The following SNX7 variants were observed in gnomAD, a reference collection of about 807,000 sequenced individuals.
SNX7 encodes the protein sorting nexin 7, also known as sorting nexin-7.
SNX7 carries 35 observed loss-of-function variants against 48.4 expected under a neutral mutation model. The observed-to-expected ratio is 0.72, with a 90% CI of 0.55 to 0.96. The LOEUF (loss-of-function observed/expected upper bound fraction) is 0.96. Among genes scored for constraint, SNX7 ranks in the 40% least tolerant of loss-of-function variants. The pLI, the probability that SNX7 is intolerant of heterozygous loss-of-function variation, is 0.00. For missense variants in SNX7, 553 were observed against 548.9 expected (o/e 1.01, Z -0.07); for synonymous variants, 190 against 190.2 (o/e 1.00, Z 0.01).
At chr1:98,695,126 C>T (rs571558702) in intron 4 of SNX7, among the ~76,000 whole-genome samples, 1 of 152,222 alleles carries the variant, frequency 6.6e-6, no homozygotes, top group South Asian at 2.1e-4. Flanking sequence ...TGGAGTATAA[C>T]TTAGGCCCTG....
intron 7 of SNX7, among the ~76,000 whole-genome samples, chr1:98,730,497 A>G (rs757598689): frequency 1.1e-4 from 17 of 152,124 alleles, no homozygotes; most frequent in Non-Finnish European, 2.2e-4. Context: ...GCCTATATCT[A>G]GAAAACCTCA....
At chr1:98,694,369 CAAAAA>C (rs775800995) in intron 4 of SNX7, among the ~76,000 whole-genome samples, 1 of 54,032 alleles carries the variant, frequency 1.9e-5, no homozygotes, top group Non-Finnish European at 4.0e-5. Context: ...GACTCCGTCT[CAAAAA>C]AAAAAAAAAA....
chr1:98,705,231 A>G (rs1021080640), intron 7 of SNX7, among the ~76,000 whole-genome samples: 16 of 152,182 alleles, frequency 1.1e-4, no homozygotes, highest in African/African-American at 3.4e-4. Context: ...AATGGTTTCA[A>G]AATTACCTAA....
Position 98,691,716 on chromosome 1 carries a change from T to TA in SNX7, c.639+18dup. 6.4e-7 allele frequency: 1 copy of TA among 1,571,946 alleles called. No individual in the cohort carries two copies. Among genetic ancestry groups the TA allele is most frequent in the East Asian group, 2.3e-5 (1 of 44,084 alleles). ...CAAGCTTGGGTAAATGATTTTTATT[T>TA]ATACTCATATAATCTTTGGGTGTCT... On this transcript the variant is annotated intron_variant, in intron 4 of 8. Transcript: ENST00000306121.
chr1:98,685,382 G>A (rs966681787), intron 2 of SNX7, among the ~76,000 whole-genome samples: 4 of 152,026 alleles, frequency 2.6e-5, no homozygotes, highest in African/African-American at 9.7e-5. Flanking sequence ...GCCTCAAGTT[G>A]TTAATAAAAA....
chr1:98,759,061 G>C (rs907033062), intron 8 of SNX7, among the ~76,000 whole-genome samples: 2 of 152,072 alleles, frequency 1.3e-5, no homozygotes, highest in East Asian at 3.9e-4. Context: ...TATTAGTGCT[G>C]GTTGTCCGAT....
intron 8 of SNX7, among the ~76,000 whole-genome samples, chr1:98,751,480 T>C (rs1274230483): frequency 6.6e-6 from 1 of 152,110 alleles, no homozygotes; most frequent in Non-Finnish European, 1.5e-5. Flanking sequence ...TCCCCACCTC[T>C]GGCTCACCTT....
rs764449372 is a variant in SNX7, at chr1:98,698,883, T to C, written c.1016T>C (p.Val339Ala). Residue 339 changes from valine (V) to alanine (A), a missense_variant, in exon 6 of 9, where the codon GTG becomes GCG. Physicochemically the swap from Val to Ala is moderately conservative, Grantham distance 64. Transcript: ENST00000306121. ...CTGCTTCCTGTTGTACATGAGTACG[T>C]GCTTTATAGTGAAATGTTAATGGTA... The part of the protein sequence containing the change: ...EALLPVVHEY[V>A]LYSEMLMGVM... The C allele has an allele frequency of 1.9e-6, 3 of 1,613,610 alleles. No homozygotes were observed. Among genetic ancestry groups the C allele is most frequent in the East Asian group, 4.5e-5 (2 of 44,860 alleles).
intron 1 of SNX7, among the ~76,000 whole-genome samples, chr1:98,668,308 T>C (rs1244241497): frequency 2.0e-5 from 3 of 152,210 alleles, no homozygotes; most frequent in Middle Eastern, 3.2e-3. Context: ...TCATATAGGG[T>C]ATTAATTTTA....
At chr1:98,674,304 C>G (rs1650036943) in intron 1 of SNX7, among the ~76,000 whole-genome samples, 1 of 152,148 alleles carries the variant, frequency 6.6e-6, no homozygotes, top group African/African-American at 2.4e-5. Context: ...AATGTATTGA[C>G]TCACGGTTCT....
chr1:98,757,679 T>C (rs896532255), intron 8 of SNX7, among the ~76,000 whole-genome samples: 2 of 152,064 alleles, frequency 1.3e-5, no homozygotes, highest in Non-Finnish European at 2.9e-5. Context: ...CTTTGTTGCC[T>C]GATTTCCAGG....
chr1:98,739,875 G>A (rs1324304045), intron 8 of SNX7, among the ~76,000 whole-genome samples: 1 of 152,168 alleles, frequency 6.6e-6, no homozygotes, highest in Non-Finnish European at 1.5e-5. Flanking sequence ...AGGGAAATGG[G>A]AGCCATTGAG....
chr1:98,724,238 T>C (rs1653049356), intron 7 of SNX7, among the ~76,000 whole-genome samples: 1 of 152,100 alleles, frequency 6.6e-6, no homozygotes, highest in African/African-American at 2.4e-5. Context: ...GATTTTCTCA[T>C]GTTAACCATT....
At chr1:98,715,178 C>T (rs1476003677) in intron 7 of SNX7, among the ~76,000 whole-genome samples, 1 of 152,168 alleles carries the variant, frequency 6.6e-6, no homozygotes, top group Non-Finnish European at 1.5e-5. Flanking sequence ...ATGTCTCCTT[C>T]AGTCTGGAAC....
chr1:98,692,312 C>T (rs1190122018), intron 4 of SNX7, among the ~76,000 whole-genome samples: 3 of 152,008 alleles, frequency 2.0e-5, no homozygotes, highest in South Asian at 2.1e-4. Flanking sequence ...CAACAGTATT[C>T]TACTGTATTT....
rs74110436 is a variant in SNX7 at position 98,691,779 on chromosome 1, G to A, written c.639+80G>A. ...GATTGTATTGTTCCTCTTGTTTACC[G>A]TTACAAATCATGCAGTGGTGTACTT... On this transcript the variant is annotated intron_variant, in intron 4 of 8. Transcript: ENST00000306121. 3,230 of 1,194,154 alleles carry A rather than the reference G, an allele frequency of 2.7e-3. 54 individuals carry two copies. In the African/African-American group the frequency reaches 0.043, roughly 16 times the overall value. 74.0% of individuals were successfully genotyped at this position (1,194,154 alleles called of 1,614,324 possible).
intron 7 of SNX7, among the ~76,000 whole-genome samples, chr1:98,729,671 T>C (rs1330694407): frequency 6.6e-6 from 1 of 152,106 alleles, no homozygotes; most frequent in African/African-American, 2.4e-5. Context: ...AAGAAACTGA[T>C]AAATTCCTGG....
chr1:98,719,251 GAGTT>G (rs1382706293), intron 7 of SNX7, among the ~76,000 whole-genome samples: 5 of 152,104 alleles, frequency 3.3e-5, no homozygotes, highest in African/African-American at 1.2e-4. Flanking sequence ...AGGGATAAAA[GAGTT>G]AGCTCTTCTG....
At chr1:98,683,524 T>G (rs1557794471) in intron 1 of SNX7, among the ~76,000 whole-genome samples, 1 of 152,038 alleles carries the variant, frequency 6.6e-6, no homozygotes, top group Non-Finnish European at 1.5e-5. Flanking sequence ...GGAGCTCTCA[T>G]GATTAGGATT....
Sources: allele counts gnomAD v4.1 joint callset (sites outside exome capture counted in the v4.1 genomes callset), GRCh38; gene constraint gnomAD v4.1.1; transcripts MANE v1.5; gene names NCBI Gene and HGNC (gene_info 2026-07-23, HGNC 2026-07-21).